Variants in DNAH14 observed in about 807,000 individuals in gnomAD.
DNAH14 encodes the protein axonemal beta dynein heavy chain 14.
In DNAH14, 478 loss-of-function variants were observed where a neutral mutation model predicts 520.9. That is an observed-to-expected ratio of 0.92 (90% CI 0.85 to 0.99). DNAH14 has a LOEUF of 0.99. DNAH14 is among the 50% of genes least tolerant of loss of function. DNAH14 has a pLI of 0.00. For missense variants in DNAH14, 4,831 were observed against 5,234.5 expected, an observed-to-expected ratio of 0.92 and a Z score of 2.38; for synonymous variants, 1,581 against 1,757.2, an observed-to-expected ratio of 0.90 and a Z score of 2.51.
chr1:225,359,083 A>G (rs2095464774), intron 74 of DNAH14, among the ~76,000 whole-genome samples: 1 of 152,246 alleles, frequency 6.6e-6, no homozygotes, highest in Admixed American at 6.5e-5. Context: ...ATATCAGCCA[A>G]GAGATATGGA....
intron 8 of DNAH14, among the ~76,000 whole-genome samples, chr1:224,979,916 G>A (rs747487010): frequency 6.6e-6 from 1 of 152,134 alleles, no homozygotes; most frequent in Non-Finnish European, 1.5e-5. Context: ...TGCTGTGAAG[G>A]GAAGGACCCA....
chr1:225,331,092 G>A (rs1209249360), intron 64 of DNAH14, among the ~76,000 whole-genome samples: 1 of 152,080 alleles, frequency 6.6e-6, no homozygotes, highest in Non-Finnish European at 1.5e-5. Context: ...TACATCTGAA[G>A]TGAAAAGAAG....
At chr1:224,970,813 CT>C (rs2061463027) in intron 7 of DNAH14, among the ~76,000 whole-genome samples, 2 of 152,024 alleles carry the variant, frequency 1.3e-5, no homozygotes, top group Admixed American at 6.6e-5. Flanking sequence ...CAAGAGTCAA[CT>C]ATGTTGACTT....
intron 8 of DNAH14, among the ~76,000 whole-genome samples, chr1:224,981,312 G>A (rs1466131793): frequency 6.6e-6 from 1 of 152,174 alleles, no homozygotes; most frequent in Non-Finnish European, 1.5e-5. Flanking sequence ...GAATGAATTA[G>A]GGAGGGTTCC....
Position 224,942,138 on chromosome 1 carries a change from G to C in DNAH14, c.-33-10532G>C, listed in dbSNP as rs2059463528. ...CACGATATTGATTCTTTCTACCCAT[G>C]AGCATGGAATGTTCTTCCATTTGTT... On this transcript the variant is annotated intron_variant, in intron 1 of 85. Coordinates refer to ENST00000682510, the MANE Select transcript of DNAH14 (RefSeq NM_001367479.1). 2.6e-5 allele frequency among the ~76,000 whole-genome samples: 4 copies of C among 152,180 alleles called. No homozygotes were observed. In the South Asian group the frequency reaches 8.3e-4, roughly 32 times the overall value.
intron 69 of DNAH14, among the ~76,000 whole-genome samples, chr1:225,342,565 T>C (rs187875208): frequency 1.5e-3 from 235 of 152,262 alleles, no homozygotes; most frequent in African/African-American, 5.3e-3. Flanking sequence ...ATATATTATA[T>C]TCAAGAAATG....
intron 10 of DNAH14, among the ~76,000 whole-genome samples, chr1:225,013,605 G>A (rs1211250508): frequency 6.6e-6 from 1 of 152,124 alleles, no homozygotes; most frequent in Non-Finnish European, 1.5e-5. Flanking sequence ...AGTTTTATCT[G>A]TAAGCCCCTG....
rs1162664240 is a variant in DNAH14, at chr1:225,042,985, T to A, written c.1639T>A (p.Cys547Ser). The change falls in exon 13 of 86, where the codon TGT becomes AGT. Residue 547 changes from cysteine to serine, a missense_variant. By Grantham distance (112) the Cys-to-Ser change is moderately radical. Coordinates refer to ENST00000682510, the MANE Select transcript of DNAH14 (RefSeq NM_001367479.1). Reference protein sequence around the residue: ...FHESDQCPEECVMFEDEMSEN... With the variant: ...FHESDQCPEESVMFEDEMSEN... ...TGAGTCTGACCAGTGCCCTGAAGAGTGTGTGATGTTTGAAGATGAAATGTC... is the reference window on the plus strand; with the variant it reads ...TGAGTCTGACCAGTGCCCTGAAGAGAGTGTGATGTTTGAAGATGAAATGTC... The A allele has an allele frequency of 6.4e-7, 1 of 1,551,830 alleles. No individual in the cohort carries two copies.
chr1:225,168,468 C>T (rs756331073), intron 36 of DNAH14, among the ~76,000 whole-genome samples: 7 of 152,178 alleles, frequency 4.6e-5, no homozygotes, highest in South Asian at 2.1e-4. Context: ...TGCACTTTTC[C>T]GAAGGTCTTA....
intron 38 of DNAH14, among the ~76,000 whole-genome samples, chr1:225,203,834 G>GAA (rs34692378): frequency 6.6e-6 from 1 of 150,820 alleles, no homozygotes; most frequent in Non-Finnish European, 1.5e-5. Context: ...GGAAAGTCTA[G>GAA]AAAAAAAAAT....
intron 41 of DNAH14, among the ~76,000 whole-genome samples, chr1:225,217,543 GCT>G (rs974625567): frequency 3.3e-5 from 5 of 152,252 alleles, no homozygotes; most frequent in Admixed American, 3.3e-4. Context: ...GCTGCGGTGG[GCT>G]CCACCCAATT....
chr1:225,394,857 AAAG>A (rs1185299405), intron 84 of DNAH14, among the ~76,000 whole-genome samples: 1 of 151,918 alleles, frequency 6.6e-6, no homozygotes, highest in Non-Finnish European at 1.5e-5. Context: ...AAAAAAAAAA[AAAG>A]GAGAATTGAG....
rs536137169 is a variant in DNAH14, at chr1:225,226,927, A to AG, written c.6440-4144dup. On this transcript the variant is annotated intron_variant, in intron 41 of 85. Transcript: ENST00000682510. The stretch of plus-strand genomic sequence containing the variant: ...AGGTGCTGTGACTTGATGTGCATGT[A>AG]GGCCAGATTTATGTTTGACTTTACA... Among the ~76,000 whole-genome samples the AG allele has an allele frequency of 3.3e-5, 5 of 152,286 alleles. No homozygotes were observed. In the South Asian group the frequency reaches 8.3e-4, roughly 25 times the overall value.
At chr1:225,329,334 G>A (rs1038989258) in intron 64 of DNAH14, among the ~76,000 whole-genome samples, 2 of 152,114 alleles carry the variant, frequency 1.3e-5, no homozygotes, top group Admixed American at 6.6e-5. Flanking sequence ...GGAATGTTGG[G>A]GAGATAAGGA....
intron 41 of DNAH14, among the ~76,000 whole-genome samples, chr1:225,229,169 G>A (rs2090851346): frequency 6.6e-6 from 1 of 152,176 alleles, no homozygotes; most frequent in Non-Finnish European, 1.5e-5. Context: ...CATCTGCAGT[G>A]CTGAGCCATG....
intron 71 of DNAH14, 67 bp downstream of exon 71, chr1:225,346,721 T>G: frequency 1.6e-6 from 2 of 1,280,072 alleles, no homozygotes; most frequent in Non-Finnish European, 2.1e-6. Context: ...TCCTCTAAGG[T>G]GCTCCAAGTC....
chr1:225,085,774 C>T lies in DNAH14; in HGVS notation c.3558C>T (p.His1186=). The change falls in exon 21 of 86, where the codon CAC becomes CAT. Residue 1186 remains histidine (H), a synonymous_variant. Transcript: ENST00000682510. The part of the protein sequence containing the change: ...VILATIKGSP[H]IGPIKDLVNE... ...TTGCAACAATTAAAGGATCTCCCCA[C>T]ATTGGGCCCATTAAGGTAAGTATTA... 6.5e-7 allele frequency: 1 copy of T among 1,546,180 alleles called. No homozygotes were observed. The highest frequency in any genetic ancestry group is 8.7e-7 in the Non-Finnish European group (1 of 1,145,402).
At chr1:225,038,251 T>G (rs1446596749) in intron 11 of DNAH14, among the ~76,000 whole-genome samples, 1 of 152,142 alleles carries the variant, frequency 6.6e-6, no homozygotes, top group African/African-American at 2.4e-5. Flanking sequence ...TTTGTTTTTC[T>G]TCTGTACTTT....
chr1:225,083,142 C>T lies in DNAH14; in HGVS notation c.3327+403C>T, dbSNP rs897402656. ...CTACCTTAACATATATATAACTTGA[C>T]ATTATATTTAAAATGCATAATAAAC... On this transcript the variant is annotated intron_variant, in intron 20 of 85. Coordinates refer to ENST00000682510, the MANE Select transcript of DNAH14 (RefSeq NM_001367479.1). Among the ~76,000 whole-genome samples, 14 of 151,994 alleles carry T rather than the reference C, an allele frequency of 9.2e-5. 1 individual carries two copies. Among genetic ancestry groups the T allele is most frequent in the Admixed American group, 6.6e-5 (1 of 15,260 alleles).
Sources: allele counts gnomAD v4.1 joint callset (sites outside exome capture counted in the v4.1 genomes callset), GRCh38; gene constraint gnomAD v4.1.1; transcripts MANE v1.5; gene names NCBI Gene and HGNC (gene_info 2026-07-23, HGNC 2026-07-21).